DOCK1: variants seen among roughly 807,000 people sequenced by gnomAD.
DOCK1 encodes dedicator of cytokinesis protein 1.
DOCK1 carries 138 observed loss-of-function variants against 262.7 expected under a neutral mutation model. That is an observed-to-expected ratio of 0.53 (90% CI 0.46 to 0.61). The LOEUF (loss-of-function observed/expected upper bound fraction) is 0.61, where lower values mean the gene tolerates loss of function less well. DOCK1 is among the 20% of genes least tolerant of loss of function. The probability of loss-of-function intolerance (pLI) is 0.00; values close to 1 mark genes in which losing one functional copy is unlikely to be tolerated. For synonymous variants in DOCK1, 866 were observed against 867.4 expected (o/e 1.00, Z 0.03); for missense variants, 1,908 against 2,370.7 (o/e 0.80, Z 4.05).
chr10:127,198,194 G>A (rs2057302318), intron 27 of DOCK1, among the ~76,000 whole-genome samples: 1 of 152,254 alleles, frequency 6.6e-6, no homozygotes, highest in South Asian at 2.1e-4. Flanking sequence ...GGAAGGGAAT[G>A]TATAGGAGTT....
intron 27 of DOCK1, among the ~76,000 whole-genome samples, chr10:127,228,493 C>T (rs938395100): frequency 3.3e-5 from 5 of 152,178 alleles, no homozygotes; most frequent in East Asian, 1.9e-4. Flanking sequence ...CTGAATTCCA[C>T]GTCTGCATTA....
chr10:127,291,894 A>C (rs2061357212), intron 29 of DOCK1, among the ~76,000 whole-genome samples: 1 of 152,176 alleles, frequency 6.6e-6, no homozygotes, highest in Admixed American at 6.5e-5. Flanking sequence ...GTGTGAGGAA[A>C]TAGGCCCTCT....
chr10:127,391,374 A>G (rs2066468616), intron 38 of DOCK1, among the ~76,000 whole-genome samples: 1 of 152,188 alleles, frequency 6.6e-6, no homozygotes. Context: ...AGAGGTAGAA[A>G]CAGGCAGCTG....
chr10:127,312,095 G>A (rs112623637), intron 29 of DOCK1, among the ~76,000 whole-genome samples: 17 of 152,126 alleles, frequency 1.1e-4, no homozygotes, highest in African/African-American at 3.9e-4. Context: ...ATATATTCTC[G>A]TGGTTCAAAT....
Position 127,257,322 on chromosome 10 carries a change from T to G in DOCK1, c.2950-13T>G. The stretch of plus-strand genomic sequence containing the variant: ...TTTGTGGGCCATTTCAGTGTTTTGT[T>G]TTTTTATTTCAGGATTTCCTAATGG... On this transcript the variant is annotated splice_polypyrimidine_tract_variant and intron_variant, in intron 28 of 51. Transcript: ENST00000623213. 1.3e-6 allele frequency: 2 copies of G among 1,572,512 alleles called. No individual in the cohort carries two copies. The highest frequency in any genetic ancestry group is 1.7e-6 in the Non-Finnish European group (2 of 1,155,690).
chr10:127,086,095 G>A (rs7895537), intron 23 of DOCK1, among the ~76,000 whole-genome samples: 1 of 152,052 alleles, frequency 6.6e-6, no homozygotes, highest in Non-Finnish European at 1.5e-5. Flanking sequence ...TCAGGAGTTC[G>A]TGACTCGGTG....
At chr10:127,244,349 A>G (rs1450484719) in intron 27 of DOCK1, among the ~76,000 whole-genome samples, 3 of 152,210 alleles carry the variant, frequency 2.0e-5, no homozygotes, top group South Asian at 2.1e-4. Flanking sequence ...CAGCAATGCT[A>G]TGGACATCTT....
At chr10:127,042,254 A>C (rs1019251754) in intron 19 of DOCK1, among the ~76,000 whole-genome samples, 41 of 152,008 alleles carry the variant, frequency 2.7e-4, no homozygotes, top group African/African-American at 9.9e-4. Context: ...CTGCCCATTC[A>C]CTAGCTGAAG....
At chr10:127,393,988 G>A (rs2066661779) in intron 38 of DOCK1, among the ~76,000 whole-genome samples, 1 of 152,022 alleles carries the variant, frequency 6.6e-6, no homozygotes, top group Non-Finnish European at 1.5e-5. Context: ...GCAGACCAGT[G>A]TTCTTTTCTG....
intron 27 of DOCK1, among the ~76,000 whole-genome samples, chr10:127,141,031 A>C (rs2051191108): frequency 6.6e-6 from 1 of 152,060 alleles, no homozygotes; most frequent in African/African-American, 2.4e-5. Flanking sequence ...ACCTGGGGCC[A>C]CATCTTTGTC....
chr10:127,346,976 C>G (rs1214587877), intron 31 of DOCK1, among the ~76,000 whole-genome samples: 1 of 152,180 alleles, frequency 6.6e-6, no homozygotes, highest in Admixed American at 6.5e-5. Flanking sequence ...CCCCCGGAGC[C>G]TGAGATAAGA....
chr10:126,989,778 A>G (rs1460148827), intron 5 of DOCK1, among the ~76,000 whole-genome samples: 1 of 152,200 alleles, frequency 6.6e-6, no homozygotes, highest in Non-Finnish European at 1.5e-5. Context: ...TGAACCGTCA[A>G]TCCCATCAAA....
chr10:127,034,123 A>T (rs965373490), intron 18 of DOCK1, among the ~76,000 whole-genome samples: 1 of 152,142 alleles, frequency 6.6e-6, no homozygotes, highest in African/African-American at 2.4e-5. Flanking sequence ...TGCCCGAGGC[A>T]TGTGCAGTGT....
At chr10:127,427,701 C>G (rs1368702300) in intron 47 of DOCK1, among the ~76,000 whole-genome samples, 1 of 152,208 alleles carries the variant, frequency 6.6e-6, no homozygotes, top group African/African-American at 2.4e-5. Flanking sequence ...CGCCTCTTTC[C>G]CACATGGTAG....
chr10:127,240,393 T>A (rs1214655453), intron 27 of DOCK1, among the ~76,000 whole-genome samples: 1 of 151,872 alleles, frequency 6.6e-6, no homozygotes, highest in Non-Finnish European at 1.5e-5. Context: ...ATCATGGGAA[T>A]GAATTCATCT....
intron 10 of DOCK1, among the ~76,000 whole-genome samples, chr10:127,008,116 G>A (rs1456041496): frequency 1.3e-5 from 2 of 151,734 alleles, no homozygotes; most frequent in African/African-American, 4.8e-5. Flanking sequence ...CTTTTGTTTT[G>A]TGGCAGGGTC....
intron 29 of DOCK1, among the ~76,000 whole-genome samples, chr10:127,261,027 G>T (rs2060045637): frequency 7.1e-6 from 1 of 141,504 alleles, no homozygotes. Flanking sequence ...GCATGTGGGT[G>T]TCTGTATGTG....
At position 127,061,761 on chromosome 10, in the gene DOCK1, G is replaced by T. The variant is rs933649201; in HGVS notation, c.2430G>T (p.Gln810His). 4.4e-6 allele frequency: 7 copies of T among 1,587,338 alleles called. No homozygotes were observed. Among genetic ancestry groups the T allele is most frequent in the Non-Finnish European group, 6.0e-6 (7 of 1,166,688 alleles). Reference sequence around the variant, plus strand: ...ACATGATGAGCAGCATGTCAGACCAGACCGTCCGGGTGAAGGTGAGTGCCG... The same window carrying T: ...ACATGATGAGCAGCATGTCAGACCATACCGTCCGGGTGAAGGTGAGTGCCG... ...INDMMSSMSD[Q>H]TVRVKGAALK... The change falls in exon 23 of 52, where the codon CAG (glutamine) becomes CAT (histidine). Residue 810 changes from glutamine (Q) to histidine (H), a missense_variant. Gln to His is a conservative substitution (Grantham distance 24). Around this residue, in one of 9 missense-constraint regions of DOCK1, gnomAD observed 518 missense variants for 575.1 expected, o/e 0.90. Coordinates refer to ENST00000623213, the MANE Select transcript of DOCK1 (RefSeq NM_001290223.2).
chr10:126,908,521 C>T (rs1203834212), intron 1 of DOCK1, among the ~76,000 whole-genome samples: 2 of 152,178 alleles, frequency 1.3e-5, no homozygotes, highest in Non-Finnish European at 2.9e-5. Flanking sequence ...TTATTGTTTG[C>T]AAGTACTTGG....
Sources: allele counts gnomAD v4.1 joint callset (sites outside exome capture counted in the v4.1 genomes callset), GRCh38; gene constraint gnomAD v4.1.1; regional missense constraint gnomAD v4.1.1; transcripts MANE v1.5; gene names NCBI Gene and HGNC (gene_info 2026-07-23, HGNC 2026-07-21).